The following ZP2 variants were observed in gnomAD, a reference collection of about 807,000 sequenced individuals.
ZP2 encodes zona pellucida glycoprotein 2.
A neutral mutation model predicts 84.0 loss-of-function variants in ZP2; 51 were observed. The ratio of observed to expected loss-of-function variants is 0.61; its 90% CI spans 0.49 to 0.77. The LOEUF is 0.77. Ranked by LOEUF, ZP2 falls within the 30% of genes least tolerant of loss-of-function variation. The probability of loss-of-function intolerance (pLI) is 0.00; values close to 1 mark genes in which losing one functional copy is unlikely to be tolerated. For missense variants in ZP2, 909 were observed against 911.9 expected, an observed-to-expected ratio of 1.00 and a Z score of 0.04; for synonymous variants, 375 against 330.9, an observed-to-expected ratio of 1.13 and a Z score of -1.45.
rs146306692 is a variant in ZP2 at position 21,210,556 on chromosome 16, G to T, written c.152-364C>A. Among the ~76,000 whole-genome samples the T allele has an allele frequency of 2.2e-4, 33 of 152,128 alleles. 2 individuals carry two copies. In the East Asian group the frequency reaches 6.4e-3, roughly 29 times the overall value. On this transcript the variant is annotated intron_variant, in intron 2 of 18. Coordinates refer to ENST00000574091, the MANE Select transcript of ZP2 (RefSeq NM_001376232.1). ...AAATTGATGTTAAACAAAGTCCTGG[G>T]TAAGTCCCAGGACTTTTATTTATTT...
Position 21,201,710 on chromosome 16 carries a change from GT to G in ZP2, c.1499del (p.Tyr500SerfsTer17). 1 of 1,614,054 alleles carries G rather than the reference GT, an allele frequency of 6.2e-7. No individual in the cohort carries two copies. The highest frequency in any genetic ancestry group is 8.5e-7 in the Non-Finnish European group (1 of 1,180,010). On this transcript the variant is annotated frameshift_variant, in exon 13 of 19. Coordinates refer to ENST00000574091, the MANE Select transcript of ZP2 (RefSeq NM_001376232.1). LOFTEE classifies it high-confidence loss of function. Reference sequence around the variant, plus strand: ...TCACAGACTGCAATCTCTTACCTGGGTAGCTTTGCAGGATCAAGGTAAATGG... The same window carrying G: ...TCACAGACTGCAATCTCTTACCTGGGAGCTTTGCAGGATCAAGGTAAATGG... ...LGPFTLILQS[Y>X]PDNSYQQPYG... is the part of the protein sequence containing the mutation.
intron 4 of ZP2, 115 bp from the exon 5 acceptor site, chr16:21,207,105 G>T (rs968001599): frequency 8.0e-7 from 1 of 1,247,112 alleles, no homozygotes; most frequent in Non-Finnish European, 1.1e-6. Flanking sequence ...TACCACAAGT[G>T]CTGGAAGGTA....
Position 21,198,728 on chromosome 16 carries a change from A to G in ZP2, c.2011+51T>C, listed in dbSNP as rs1241199169. 6 of 1,537,776 alleles carry G rather than the reference A, an allele frequency of 3.9e-6. No individual in the cohort carries two copies. In the Admixed American group the frequency reaches 8.4e-5, roughly 22 times the overall value. On this transcript the variant is annotated intron_variant, in intron 17 of 18. Coordinates refer to ENST00000574091, the MANE Select transcript of ZP2 (RefSeq NM_001376232.1). ...TATGTAAGCACTGACCGCTTGGCAT[A>G]AAAAGCTAAGAACTTGAATCCAGGA... is the stretch of plus-strand genomic sequence containing the variant.
chr16:21,201,742 A>G lies in ZP2; in HGVS notation c.1468T>C (p.Leu490=). The change falls in exon 13 of 19, where the codon TTG becomes CTG. Residue 490 remains leucine (L), a synonymous_variant. Coordinates refer to ENST00000574091, the MANE Select transcript of ZP2 (RefSeq NM_001376232.1). ...SLTPPVASVK[L]GPFTLILQSY... ...TGCAGGATCAAGGTAAATGGACCCA[A>G]CTTCACTGAGGCCACTGGAGGAGTA... The G allele has an allele frequency of 6.2e-7, 1 of 1,614,096 alleles. No individual in the cohort carries two copies.
intron 4 of ZP2, among the ~76,000 whole-genome samples, chr16:21,209,169 T>C (rs1377527146): frequency 2.0e-5 from 3 of 152,270 alleles, no homozygotes; most frequent in East Asian, 1.9e-4. Flanking sequence ...CCTGGACAGA[T>C]TCCCCCCACC....
intron 7 of ZP2, among the ~76,000 whole-genome samples, chr16:21,204,877 C>T (rs1015232792): frequency 2.6e-5 from 4 of 152,166 alleles, no homozygotes; most frequent in Non-Finnish European, 4.4e-5. Context: ...CAATATAGGA[C>T]AATGACAACC....
chr16:21,200,635 T>A (rs928154568), intron 14 of ZP2, among the ~76,000 whole-genome samples: 7 of 152,220 alleles, frequency 4.6e-5, no homozygotes, highest in Non-Finnish European at 8.8e-5. Context: ...AGTGCTCAGA[T>A]TCTAGAGTCA....
chr16:21,198,817 C>G lies in ZP2; in HGVS notation c.1973G>C (p.Gly658Ala). The change falls in exon 17 of 19, where the codon GGA becomes GCA. Residue 658 changes from glycine to alanine, a missense_variant. Gly to Ala is a moderately conservative substitution (Grantham distance 60). Transcript: ENST00000574091. Reference sequence around the variant, plus strand: ...GTCATCTGACAACAGGAGAATGGGTCCTGGGAGGCTGACTGTCATTTTCTC... The same window carrying G: ...GTCATCTGACAACAGGAGAATGGGTGCTGGGAGGCTGACTGTCATTTTCTC... ...EAEKMTVSLPGPILLLSDDSS... is the reference protein window; with the variant it reads ...EAEKMTVSLPAPILLLSDDSS... The G allele has an allele frequency of 6.2e-7, 1 of 1,614,058 alleles. No individual in the cohort carries two copies. The highest frequency in any genetic ancestry group is 1.1e-5 in the South Asian group (1 of 91,056).
At position 21,210,196 on chromosome 16, in the gene ZP2, A is replaced by C. The variant is rs754436787; in HGVS notation, c.152-4T>G. On this transcript the variant is annotated splice_polypyrimidine_tract_variant and splice_region_variant and intron_variant, in intron 2 of 18. Transcript: ENST00000574091. ...CTTTCATCGCAAGTGACAGTGCCTA[A>C]GGAGCAAAGGAAGCATTTGGGGGCT... The C allele has an allele frequency of 1.2e-6, 2 of 1,613,706 alleles. No individual in the cohort carries two copies. Among genetic ancestry groups the C allele is most frequent in the East Asian group, 4.5e-5 (2 of 44,872 alleles).
At chr16:21,200,903 G>A (rs2093221868) in intron 14 of ZP2, among the ~76,000 whole-genome samples, 1 of 152,106 alleles carries the variant, frequency 6.6e-6, no homozygotes, top group Admixed American at 6.6e-5. Context: ...AGAGGTGATT[G>A]GAAGGCAGCA....
intron 7 of ZP2, 148 bp downstream of exon 7, chr16:21,205,270 GGT>G: frequency 2.2e-6 from 2 of 894,536 alleles, no homozygotes; most frequent in Non-Finnish European, 3.4e-6. Context: ...TGGGATTACA[GGT>G]GTGAATACCC....
rs2093226307 is a variant in ZP2, at chr16:21,201,740, C to T, written c.1470G>A (p.Leu490=). The change falls in exon 13 of 19, where the codon TTG becomes TTA. Residue 490 remains leucine, a synonymous_variant. Coordinates refer to ENST00000574091, the MANE Select transcript of ZP2 (RefSeq NM_001376232.1). ...TTTGCAGGATCAAGGTAAATGGACCCAACTTCACTGAGGCCACTGGAGGAG... is the reference window on the plus strand; with the variant it reads ...TTTGCAGGATCAAGGTAAATGGACCTAACTTCACTGAGGCCACTGGAGGAG... ...SLTPPVASVK[L]GPFTLILQSY... 1 of 1,614,054 alleles carries T rather than the reference C, an allele frequency of 6.2e-7. No homozygotes were observed. The highest frequency in any genetic ancestry group is 8.5e-7 in the Non-Finnish European group (1 of 1,180,020).
intron 2 of ZP2, among the ~76,000 whole-genome samples, chr16:21,210,670 G>A (rs906355353): frequency 1.3e-5 from 2 of 152,090 alleles, no homozygotes; most frequent in African/African-American, 4.8e-5. Flanking sequence ...CGCCTCCCAG[G>A]TTCAAGCGAT....
At position 21,211,388 on chromosome 16, in the gene ZP2, T is replaced by G. The variant is rs2093274477; in HGVS notation, c.70A>C (p.Arg24=). The G allele has an allele frequency of 1.2e-6, 2 of 1,614,148 alleles. No individual in the cohort carries two copies. The highest frequency in any genetic ancestry group is 2.2e-5 in the East Asian group (1 of 44,888). ...GWFNAGWSTY[R]SISLFFALVT... is the part of the protein sequence containing the mutation. ...AGGGCGAAGAAGAGAGAAATCGACC[T>G]GTAGGTGCTGGAAAGAGACAGGGAG... Residue 24 remains arginine, a synonymous_variant, in exon 2 of 19, where the codon AGG becomes CGG. Transcript: ENST00000574091.
chr16:21,211,819 C>T, upstream of ZP2: 2 of 1,379,830 alleles, frequency 1.4e-6, no homozygotes, highest in Non-Finnish European at 1.9e-6. Context: ...TTCCCTATAA[C>T]TATGGGGGAA....
At chr16:21,198,915 G>A (rs1189656442) in intron 16 of ZP2, 53 bp from the exon 17 acceptor site, 2 of 1,506,544 alleles carry the variant, frequency 1.3e-6, no homozygotes, top group Non-Finnish European at 1.8e-6. Context: ...TGGTTCGAGA[G>A]GTGTGTCAAT....
At chr16:21,206,589 C>T (rs1039844968) in intron 5 of ZP2, among the ~76,000 whole-genome samples, 1 of 152,164 alleles carries the variant, frequency 6.6e-6, no homozygotes, top group Non-Finnish European at 1.5e-5. Context: ...TATTGCCATG[C>T]ATGATGTGCC....
chr16:21,198,744 G>A, intron 17 of ZP2, 35 bp downstream of exon 17: 1 of 1,593,168 alleles, frequency 6.3e-7, no homozygotes, highest in Non-Finnish European at 8.6e-7. Flanking sequence ...CTAAGAACTT[G>A]AATCCAGGAA....
intron 7 of ZP2, 52 bp from the exon 8 acceptor site, chr16:21,204,456 T>C: frequency 6.9e-7 from 1 of 1,456,426 alleles, no homozygotes; most frequent in Non-Finnish European, 9.6e-7. Flanking sequence ...CTTGAATCTC[T>C]AACCAGTAAG....
Sources: gnomAD v4.1 joint callset for allele counts (sites outside exome capture counted in the v4.1 genomes callset) on GRCh38, gnomAD v4.1.1 for gene constraint, MANE v1.5 for transcripts, NCBI Gene and HGNC (gene_info 2026-07-23, HGNC 2026-07-21) for gene names.